Variants in ZNF385D observed in about 807,000 individuals in gnomAD.
The protein encoded by ZNF385D is zinc finger protein 385D.
A neutral mutation model predicts 35.8 loss-of-function variants in ZNF385D; 15 were observed. The observed-to-expected ratio is 0.42, with a 90% CI of 0.28 to 0.64. The LOEUF (loss-of-function observed/expected upper bound fraction) is 0.64. Among genes scored for constraint, ZNF385D ranks in the 30% least tolerant of loss-of-function variants. ZNF385D has a pLI of 0.23. For missense variants in ZNF385D, 474 were observed against 494.6 expected (o/e 0.96, Z 0.39); for synonymous variants, 212 against 186.8 (o/e 1.13, Z -1.10).
intron 2 of ZNF385D, among the ~76,000 whole-genome samples, chr3:22,307,263 A>G (rs1703279297): frequency 6.6e-6 from 1 of 152,164 alleles, no homozygotes; most frequent in African/African-American, 2.4e-5. Flanking sequence ...CAAGAAAGCT[A>G]GGAATGAAGA....
intron 2 of ZNF385D, among the ~76,000 whole-genome samples, chr3:21,652,596 G>A (rs142428476): frequency 1.3e-5 from 2 of 151,586 alleles, no homozygotes; most frequent in East Asian, 1.9e-4. Context: ...TTAGCATTAG[G>A]TATATCTCCC....
At chr3:21,986,627 A>G (rs1289998660) in intron 3 of ZNF385D, among the ~76,000 whole-genome samples, 10 of 148,300 alleles carry the variant, frequency 6.7e-5, no homozygotes, top group Non-Finnish European at 1.3e-4. Context: ...TGTGGTGCTG[A>G]AAAAAATGTA....
chr3:22,284,923 G>T (rs1701948672), intron 2 of ZNF385D, among the ~76,000 whole-genome samples: 1 of 152,122 alleles, frequency 6.6e-6, no homozygotes, highest in Admixed American at 6.6e-5. Context: ...GGGCAGGCAG[G>T]AAAGAAGTAG....
At chr3:21,648,550 A>G (rs1240199356) in intron 2 of ZNF385D, among the ~76,000 whole-genome samples, 4 of 152,210 alleles carry the variant, frequency 2.6e-5, no homozygotes, top group African/African-American at 9.6e-5. Flanking sequence ...GGAGAATCAC[A>G]ATCTTCTCTG....
intron 2 of ZNF385D, among the ~76,000 whole-genome samples, chr3:21,588,091 G>C (rs1366919989): frequency 6.6e-6 from 1 of 152,144 alleles, no homozygotes; most frequent in Non-Finnish European, 1.5e-5. Context: ...GTCTCAATGA[G>C]TGTGCAGTCT....
chr3:21,942,479 A>G (rs1701569291), intron 3 of ZNF385D: 1 of 152,202 alleles, frequency 6.6e-6, no homozygotes, highest in African/African-American at 2.4e-5. Flanking sequence ...GCGCGTGGCC[A>G]CGAGGACACA....
At chr3:21,458,315 GAA>G (rs4045438) in intron 4 of ZNF385D, among the ~76,000 whole-genome samples, 1 of 141,562 alleles carries the variant, frequency 7.1e-6, no homozygotes. Flanking sequence ...ACTCTTAAAG[GAA>G]AAAAAAAAAA....
At chr3:21,518,095 C>T (rs1707690153) in intron 3 of ZNF385D, among the ~76,000 whole-genome samples, 1 of 152,112 alleles carries the variant, frequency 6.6e-6, no homozygotes. Context: ...CATTTTACTC[C>T]CAAAGTGGCC....
chr3:21,504,241 A>T (rs1043514078), intron 4 of ZNF385D, among the ~76,000 whole-genome samples: 1 of 152,198 alleles, frequency 6.6e-6, no homozygotes, highest in East Asian at 1.9e-4. Flanking sequence ...TACTTGTAGG[A>T]CTAGAGAATC....
intron 3 of ZNF385D, among the ~76,000 whole-genome samples, chr3:21,765,689 G>C (rs74322369): frequency 6.6e-6 from 1 of 151,212 alleles, no homozygotes; most frequent in Admixed American, 6.6e-5. Context: ...ATATAAGTGC[G>C]TGCGTGCATG....
chr3:22,321,955 T>G (rs552471874), intron 2 of ZNF385D, among the ~76,000 whole-genome samples: 1 of 152,248 alleles, frequency 6.6e-6, no homozygotes, highest in Non-Finnish European at 1.5e-5. Context: ...TGTTAATCTC[T>G]TCTTTTTCCT....
intron 2 of ZNF385D, among the ~76,000 whole-genome samples, chr3:22,216,461 T>C (rs1041752779): frequency 6.6e-6 from 1 of 152,040 alleles, no homozygotes; most frequent in African/African-American, 2.4e-5. Context: ...ACTAGGTCTA[T>C]TAAAATAACT....
chr3:22,147,802 T>C (rs753743645), intron 3 of ZNF385D, among the ~76,000 whole-genome samples: 8 of 152,270 alleles, frequency 5.3e-5, no homozygotes, highest in East Asian at 3.9e-4. Flanking sequence ...TAATTTTGCA[T>C]TGGCCACAGA....
At chr3:21,991,699 G>A (rs778885701) in intron 3 of ZNF385D, among the ~76,000 whole-genome samples, 12 of 152,168 alleles carry the variant, frequency 7.9e-5, no homozygotes, top group Non-Finnish European at 5.9e-5. Flanking sequence ...GGCAGCTGCA[G>A]AATGATTATC....
At chr3:22,317,883 A>G (rs1703988289) in intron 2 of ZNF385D, among the ~76,000 whole-genome samples, 1 of 152,128 alleles carries the variant, frequency 6.6e-6, no homozygotes, top group Admixed American at 6.6e-5. Flanking sequence ...CAACATGGTG[A>G]AACCCCATCT....
At chr3:21,717,450 T>C (rs1413266307) in intron 1 of ZNF385D, among the ~76,000 whole-genome samples, 1 of 152,190 alleles carries the variant, frequency 6.6e-6, no homozygotes, top group Non-Finnish European at 1.5e-5. Context: ...GATACAGAGA[T>C]TGCGATCAGT....
At chr3:22,070,215 A>G (rs1443915752) in intron 3 of ZNF385D, among the ~76,000 whole-genome samples, 1 of 152,150 alleles carries the variant, frequency 6.6e-6, no homozygotes, top group African/African-American at 2.4e-5. Context: ...CAGTGGCCCC[A>G]TCCCCTTAAA....
At chr3:22,372,347 C>T (rs916127918) in intron 2 of ZNF385D, 3 of 757,230 alleles carry the variant, frequency 4.0e-6, no homozygotes, top group African/African-American at 1.9e-5. Flanking sequence ...GCCCCAGCCC[C>T]TCGCGCCTGG....
chr3:21,979,607 G>C (rs1694299947), intron 3 of ZNF385D: 1 of 152,132 alleles, frequency 6.6e-6, no homozygotes, highest in African/African-American at 2.4e-5. Flanking sequence ...TTTCTTACAA[G>C]GTTCAAGTAT....
Sources: allele counts gnomAD v4.1 joint callset (sites outside exome capture counted in the v4.1 genomes callset), GRCh38; gene constraint gnomAD v4.1.1; transcripts MANE v1.5; gene names NCBI Gene and HGNC (gene_info 2026-07-23, HGNC 2026-07-21).